The following CACUL1 variants were observed in gnomAD, a reference collection of about 807,000 sequenced individuals.
CACUL1 encodes the protein CDK2-associated and cullin domain-containing protein 1.
Under a neutral mutation model 45.2 loss-of-function variants are expected in CACUL1, and 13 were observed. That is an observed-to-expected ratio of 0.29 (90% CI 0.19 to 0.46). The LOEUF (loss-of-function observed/expected upper bound fraction) is 0.46. CACUL1 is among the 20% of genes least tolerant of loss of function. The pLI, the probability that CACUL1 is intolerant of heterozygous loss-of-function variation, is 1.00. For synonymous variants in CACUL1, 197 were observed against 174.2 expected, an observed-to-expected ratio of 1.13 and a Z score of -1.03; for missense variants, 421 against 471.4, an observed-to-expected ratio of 0.89 and a Z score of 0.99.
intron 1 of CACUL1, among the ~76,000 whole-genome samples, chr10:118,746,565 A>G (rs1333862128): frequency 6.6e-6 from 1 of 152,228 alleles, no homozygotes; most frequent in Non-Finnish European, 1.5e-5. Context: ...CTTAGGATAC[A>G]AAAAACAACA....
chr10:118,716,535 G>A (rs1845547227), intron 3 of CACUL1, among the ~76,000 whole-genome samples: 1 of 151,588 alleles, frequency 6.6e-6, no homozygotes, highest in Non-Finnish European at 1.5e-5. Flanking sequence ...GGTCTGCACG[G>A]ATACTTCTAA....
intron 1 of CACUL1, among the ~76,000 whole-genome samples, chr10:118,740,019 C>T (rs920536239): frequency 2.6e-5 from 4 of 151,956 alleles, no homozygotes; most frequent in Admixed American, 6.6e-5. Flanking sequence ...TGGTGGCATG[C>T]GCCTATAATC....
chr10:118,726,945 TG>T (rs1845657347), intron 3 of CACUL1, among the ~76,000 whole-genome samples: 2 of 152,168 alleles, frequency 1.3e-5, no homozygotes, highest in Admixed American at 1.3e-4. Flanking sequence ...TATTTAATAA[TG>T]GTTACAATCG....
chr10:118,692,257 A>G (rs1796633581), intron 6 of CACUL1: 1 of 152,176 alleles, frequency 6.6e-6, no homozygotes, highest in African/African-American at 2.4e-5. Context: ...GCAAATATAT[A>G]TAAACAACAG....
At chr10:118,698,767 T>C (rs1845348480) in intron 5 of CACUL1, among the ~76,000 whole-genome samples, 1 of 151,908 alleles carries the variant, frequency 6.6e-6, no homozygotes, top group Non-Finnish European at 1.5e-5. Flanking sequence ...CAGAGCAAAA[T>C]AAAAGACTGT....
rs772065037 is a variant in CACUL1 at position 118,691,247 on chromosome 10, GA to G, written c.1025+17del. The stretch of plus-strand genomic sequence containing the variant: ...AAATGGACATATTTGACCACTAAAG[GA>G]AAAAAAAACAACTTGCCTTGTAAAA... On this transcript the variant is annotated intron_variant, in intron 7 of 8. Coordinates refer to ENST00000369151, the MANE Select transcript of CACUL1 (RefSeq NM_153810.5). 35 of 1,561,570 alleles carry G rather than the reference GA, an allele frequency of 2.2e-5. No homozygotes were observed. The highest frequency in any genetic ancestry group is 9.2e-5 in the East Asian group (4 of 43,512).
intron 5 of CACUL1, among the ~76,000 whole-genome samples, chr10:118,698,838 G>A (rs1455037120): frequency 6.6e-6 from 1 of 152,300 alleles, no homozygotes; most frequent in East Asian, 1.9e-4. Context: ...TGGAACACTA[G>A]TTTTCCAGAT....
chr10:118,723,676 A>C (rs1161316117), intron 3 of CACUL1, among the ~76,000 whole-genome samples: 1 of 152,156 alleles, frequency 6.6e-6, no homozygotes, highest in Non-Finnish European at 1.5e-5. Flanking sequence ...GCTTATGAAA[A>C]ACTATGGAAA....
chr10:118,752,264 A>T (rs1039610327), intron 1 of CACUL1, among the ~76,000 whole-genome samples: 1 of 152,122 alleles, frequency 6.6e-6, no homozygotes, highest in Admixed American at 6.5e-5. Context: ...TGTATCTAAA[A>T]TTTCTCCATT....
chr10:118,691,233 T>C, intron 7 of CACUL1, 32 bp downstream of exon 7: 2 of 1,594,552 alleles, frequency 1.3e-6, no homozygotes, highest in Middle Eastern at 3.3e-4. Context: ...AATGGACATA[T>C]TTGACCACTA....
intron 1 of CACUL1, among the ~76,000 whole-genome samples, chr10:118,732,725 C>T (rs114955131): frequency 5.3e-5 from 8 of 152,130 alleles, no homozygotes; most frequent in African/African-American, 1.7e-4. Flanking sequence ...GGCTTCCTTA[C>T]CTTCCCTGCC....
chr10:118,700,930 AT>A (rs1440401193), intron 5 of CACUL1, among the ~76,000 whole-genome samples: 1 of 152,220 alleles, frequency 6.6e-6, no homozygotes, highest in Non-Finnish European at 1.5e-5. Context: ...AAATCAGAGG[AT>A]TCTGTACTAC....
chr10:118,701,386 T>C lies in CACUL1; in HGVS notation c.716A>G (p.Lys239Arg). 1 of 1,561,102 alleles carries C rather than the reference T, an allele frequency of 6.4e-7. No homozygotes were observed. The highest frequency in any genetic ancestry group is 8.7e-7 in the Non-Finnish European group (1 of 1,144,234). The change falls in exon 5 of 9, where the codon AAG (lysine) becomes AGG (arginine). Residue 239 changes from lysine to arginine, a missense_variant. Around this residue, in one of 2 missense-constraint regions of CACUL1, gnomAD observed 208 missense variants for 298.4 expected, o/e 0.70. Coordinates refer to ENST00000369151, the MANE Select transcript of CACUL1 (RefSeq NM_153810.5). ...IYMNKFYIET[K>R]LNRDLKDDLI... ...GTCATCTTTTAAGTCTCTGTTAAGC[T>C]TGGTTTCGATGTAAAACTTATTCTG...
rs553077324 is a variant in CACUL1 at position 118,744,201 on chromosome 10, C to G, written c.367+10195G>C. On this transcript the variant is annotated intron_variant, in intron 1 of 8. Transcript: ENST00000369151. Reference sequence around the variant, plus strand: ...AGGAGTTTGAGACCACCCTGGCCAACATGGCAGAAACCCCGTCTCTACTAA... The same window carrying G: ...AGGAGTTTGAGACCACCCTGGCCAAGATGGCAGAAACCCCGTCTCTACTAA... 1.5e-3 allele frequency among the ~76,000 whole-genome samples: 221 copies of G among 152,310 alleles called. 1 individual carries two copies. Among genetic ancestry groups the G allele is most frequent in the African/African-American group, 5.1e-3 (214 of 41,568 alleles).
At chr10:118,697,516 C>T (rs1047939219) in intron 5 of CACUL1, among the ~76,000 whole-genome samples, 1 of 152,230 alleles carries the variant, frequency 6.6e-6, no homozygotes, top group Non-Finnish European at 1.5e-5. Flanking sequence ...AGTCACACAC[C>T]TTTTGATACC....
chr10:118,716,325 G>A (rs1233448485), intron 3 of CACUL1, among the ~76,000 whole-genome samples: 1 of 145,704 alleles, frequency 6.9e-6, no homozygotes, highest in African/African-American at 2.5e-5. Context: ...TTTTTCCTGT[G>A]TGCATGTGTC....
intron 1 of CACUL1, among the ~76,000 whole-genome samples, chr10:118,751,963 G>C (rs1300520932): frequency 6.6e-6 from 1 of 151,948 alleles, no homozygotes; most frequent in African/African-American, 2.4e-5. Context: ...ATTTACTTTT[G>C]ATTATCTTTA....
At chr10:118,690,121 G>A (rs1411324671) in intron 7 of CACUL1, among the ~76,000 whole-genome samples, 2 of 152,062 alleles carry the variant, frequency 1.3e-5, no homozygotes, top group Non-Finnish European at 2.9e-5. Flanking sequence ...CTAACAAGGT[G>A]AAACCCCGTC....
chr10:118,713,188 G>C (rs1019195168), intron 3 of CACUL1, among the ~76,000 whole-genome samples: 7 of 152,242 alleles, frequency 4.6e-5, no homozygotes, highest in Admixed American at 4.6e-4. Context: ...AGCTGGCCAG[G>C]CTGCGACAGC....
Sources: gnomAD v4.1 joint callset for allele counts (sites outside exome capture counted in the v4.1 genomes callset) on GRCh38, gnomAD v4.1.1 for gene constraint, gnomAD v4.1.1 regional missense constraint, MANE v1.5 for transcripts, NCBI Gene and HGNC (gene_info 2026-07-23, HGNC 2026-07-21) for gene names.